The following PDPK1 variants were observed in gnomAD, a reference collection of about 807,000 sequenced individuals.
The protein encoded by PDPK1 is 3-phosphoinositide-dependent protein kinase 1.
Under a neutral mutation model 39.8 loss-of-function variants are expected in PDPK1, and 7 were observed. The observed-to-expected ratio is 0.18, with a 90% confidence interval of 0.10 to 0.33. PDPK1 has a LOEUF of 0.33. Among genes scored for constraint, PDPK1 ranks in the 10% least tolerant of loss-of-function variants. PDPK1 has a pLI of 1.00. For synonymous variants in PDPK1, 118 were observed against 159.1 expected, an observed-to-expected ratio of 0.74 and a Z score of 1.95; for missense variants, 182 against 384.7, an observed-to-expected ratio of 0.47 and a Z score of 4.41.
Position 2,598,013 on chromosome 16 carries a change from C to T in PDPK1, c.*246C>T, listed in dbSNP as rs1283074980. 1.5e-5 allele frequency: 8 copies of T among 533,950 alleles called. No individual in the cohort carries two copies. The highest frequency in any genetic ancestry group is 3.3e-5 in the Admixed American group (1 of 30,420). 33.1% of individuals were successfully genotyped at this position (533,950 alleles called of 1,614,324 possible). A position where few individuals can be genotyped will look rare whatever the true frequency, so the allele number is the denominator to read the frequency against. ...GCTTGCTCTCTGTGCTCCGTGGAGG[C>T]CTCCGTGTGCCCTCGTTGCCGTGGG... On this transcript the variant is annotated 3_prime_UTR_variant, in exon 14 of 14. Transcript: ENST00000342085.
chr16:2,587,534 A>T (rs965500540), intron 11 of PDPK1, among the ~76,000 whole-genome samples: 1 of 151,594 alleles, frequency 6.6e-6, no homozygotes, highest in Non-Finnish European at 1.5e-5. Context: ...TTTGAGACAG[A>T]GTGTTGCTCT....
Position 2,602,190 on chromosome 16 carries a change from A to G in PDPK1, c.*4423A>G, listed in dbSNP as rs1369658779. 3.0e-5 allele frequency: 7 copies of G among 234,272 alleles called. No individual in the cohort carries two copies. In the East Asian group the frequency reaches 3.6e-4, roughly 12 times the overall value. 14.5% of individuals were successfully genotyped at this position (234,272 alleles called of 1,614,324 possible). A position where few individuals can be genotyped will look rare whatever the true frequency, so the allele number is the denominator to read the frequency against. On this transcript the variant is annotated 3_prime_UTR_variant, in exon 14 of 14. Coordinates refer to ENST00000342085, the MANE Select transcript of PDPK1 (RefSeq NM_002613.5). ...TTATTTTCAAACTTGACATGAGCCTATGTTGACTCACTGGGTGGGGGTCCC... is the reference window on the plus strand; with the variant it reads ...TTATTTTCAAACTTGACATGAGCCTGTGTTGACTCACTGGGTGGGGGTCCC...
intron 12 of PDPK1, 111 bp downstream of exon 12, chr16:2,595,961 T>C (rs1010743894): frequency 7.2e-6 from 6 of 831,214 alleles, no homozygotes; most frequent in African/African-American, 1.7e-5. Flanking sequence ...TTGATTTTCA[T>C]CAGACATCAT....
chr16:2,541,867 A>G (rs929380164), intron 1 of PDPK1, among the ~76,000 whole-genome samples: 1 of 152,120 alleles, frequency 6.6e-6, no homozygotes, highest in African/African-American at 2.4e-5. Flanking sequence ...TCTAGCTGCT[A>G]GATCACAGGC....
chr16:2,585,892 A>T (rs2066863080), intron 10 of PDPK1, among the ~76,000 whole-genome samples: 1 of 152,196 alleles, frequency 6.6e-6, no homozygotes, highest in Non-Finnish European at 1.5e-5. Flanking sequence ...CCGCACTCTT[A>T]TCCTAGCCAT....
intron 11 of PDPK1, among the ~76,000 whole-genome samples, chr16:2,590,928 C>T (rs1474528093): frequency 1.3e-5 from 2 of 151,368 alleles, no homozygotes; most frequent in Admixed American, 6.6e-5. Flanking sequence ...GGATTACAGG[C>T]GTGAGCTACT....
rs985989078 is a variant in PDPK1, at chr16:2,602,256, G to A, written c.*4489G>A. 42 of 234,550 alleles carry A rather than the reference G, an allele frequency of 1.8e-4. No individual in the cohort carries two copies. Among genetic ancestry groups the A allele is most frequent in the African/African-American group, 3.1e-4 (14 of 45,234 alleles). 14.5% of individuals were successfully genotyped at this position (234,550 alleles called of 1,614,324 possible). On this transcript the variant is annotated 3_prime_UTR_variant, in exon 14 of 14. Transcript: ENST00000342085. ...CGTGGCAAGTGCCTGAATCGGGGCT[G>A]GAGGCACTTCAGAGCCTCTGAGGGG...
chr16:2,573,811 T>TTTTTTTTG (rs2066679245), intron 6 of PDPK1, among the ~76,000 whole-genome samples: 1 of 115,648 alleles, frequency 8.6e-6, no homozygotes, highest in Non-Finnish European at 1.7e-5. Context: ...TTTTTTTTTT[T>TTTTTTTTG]GAGACGGAAT....
At chr16:2,546,224 C>G (rs917250952) in intron 1 of PDPK1, among the ~76,000 whole-genome samples, 1 of 151,398 alleles carries the variant, frequency 6.6e-6, no homozygotes, top group African/African-American at 2.4e-5. Context: ...GCTGTGATTA[C>G]AAGTGCCTAC....
intron 10 of PDPK1, among the ~76,000 whole-genome samples, chr16:2,585,046 A>G (rs1325530657): frequency 1.3e-5 from 2 of 152,152 alleles, no homozygotes; most frequent in African/African-American, 2.4e-5. Context: ...TCTGTGCTCC[A>G]TTGCTCCCAG....
chr16:2,544,402 C>T (rs1420391733), intron 1 of PDPK1, among the ~76,000 whole-genome samples: 2 of 152,216 alleles, frequency 1.3e-5, no homozygotes, highest in African/African-American at 4.8e-5. Context: ...AGGTCTGGCT[C>T]TGTCTCCTGG....
At chr16:2,550,009 G>A (rs570354791) in intron 1 of PDPK1, among the ~76,000 whole-genome samples, 4 of 141,428 alleles carry the variant, frequency 2.8e-5, no homozygotes, top group African/African-American at 1.0e-4. Context: ...GGCTGGGAGT[G>A]TGGGCCTTGT....
chr16:2,590,101 C>G (rs962258685), intron 11 of PDPK1, among the ~76,000 whole-genome samples: 3 of 152,140 alleles, frequency 2.0e-5, no homozygotes, highest in African/African-American at 4.8e-5. Context: ...GGCCTGTGTC[C>G]CCTGGCTTCT....
Position 2,597,714 on chromosome 16 carries a change from C to A in PDPK1, c.1618C>A (p.Gln540Lys). The change falls in exon 14 of 14, where the codon CAG becomes AAG. Residue 540 changes from glutamine to lysine, a missense_variant. Gln to Lys is a moderately conservative substitution (Grantham distance 53). This residue lies in a region of PDPK1 where 67 missense variants were observed against 87.8 expected (regional missense o/e 0.76). Coordinates refer to ENST00000342085, the MANE Select transcript of PDPK1 (RefSeq NM_002613.5). The surrounding 1 kb of genome is among the most constrained non-coding windows in gnomAD (Gnocchi z 6.3). ...CGCACACAAGTGGTGCAGGAAGATC[C>A]AGGAGGTTTGGAGGCAGCGATACCA... ...GNAHKWCRKI[Q>K]EVWRQRYQSH... 6.2e-7 allele frequency: 1 copy of A among 1,613,764 alleles called. No homozygotes were observed. The highest frequency in any genetic ancestry group is 8.5e-7 in the Non-Finnish European group (1 of 1,180,014).
intron 11 of PDPK1, among the ~76,000 whole-genome samples, chr16:2,590,574 G>A (rs2066969169): frequency 6.6e-6 from 1 of 152,112 alleles, no homozygotes; most frequent in Non-Finnish European, 1.5e-5. Context: ...TCCTCGCGGA[G>A]CGTCTGGCTG....
chr16:2,586,956 TA>T (rs1464665552), intron 11 of PDPK1, 63 bp downstream of exon 11: 63 of 1,427,966 alleles, frequency 4.4e-5, no homozygotes, highest in Non-Finnish European at 5.9e-5. Flanking sequence ...CGTGGGGGCT[TA>T]TGGTGGGTGC....
Position 2,597,065 on chromosome 16 carries a change from C to T in PDPK1, c.1402-58C>T. ...GAGGGGCCGCCCAGCCCTCTAGGCT[C>T]CAGGAGATGCCGTCAGCACTGGCCT... On this transcript the variant is annotated intron_variant, in intron 12 of 13. Coordinates refer to ENST00000342085, the MANE Select transcript of PDPK1 (RefSeq NM_002613.5). This position sits in a 1 kb window ranked among gnomAD's most constrained non-coding sequence, Gnocchi z 6.3. 1 of 1,436,868 alleles carries T rather than the reference C, an allele frequency of 7.0e-7. No individual in the cohort carries two copies. The allele number at this position is 1,436,868 out of a possible 1,614,324, so 89.0% of individuals were successfully genotyped here.
chr16:2,592,867 G>A (rs1408278514), intron 11 of PDPK1: 1 of 456,378 alleles, frequency 2.2e-6, no homozygotes, highest in Non-Finnish European at 4.4e-6. Flanking sequence ...TCTCTCTCAG[G>A]GGATGCTGGC....
intron 11 of PDPK1, among the ~76,000 whole-genome samples, chr16:2,588,383 C>T (rs565630180): frequency 6.6e-6 from 1 of 152,168 alleles, no homozygotes; most frequent in Non-Finnish European, 1.5e-5. Flanking sequence ...TTCCCGGGCT[C>T]GTGTGTGCTG....
Sources: gnomAD v4.1 joint callset for allele counts (sites outside exome capture counted in the v4.1 genomes callset) on GRCh38, gnomAD v4.1.1 for gene constraint, gnomAD v4.1.1 regional missense constraint, Gnocchi (gnomAD v3.1) non-coding constraint, MANE v1.5 for transcripts, NCBI Gene and HGNC (gene_info 2026-07-23, HGNC 2026-07-21) for gene names.